LARGE1: variants seen among roughly 807,000 people sequenced by gnomAD.
LARGE1 encodes LARGE xylosyl- and glucuronyltransferase 1, also known as xylosyl- and glucuronyltransferase LARGE1.
In LARGE1, 43 loss-of-function variants were observed where a neutral mutation model predicts 87.6. That is an observed-to-expected ratio of 0.49 (90% CI 0.38 to 0.63). LARGE1 has a LOEUF of 0.63. LARGE1 is among the 30% of genes least tolerant of loss of function. The pLI, the probability that LARGE1 is intolerant of heterozygous loss-of-function variation, is 0.00. For synonymous variants in LARGE1, 434 were observed against 394.6 expected (o/e 1.10, Z -1.18); for missense variants, 802 against 1,000.2 (o/e 0.80, Z 2.67).
intron 2 of LARGE1, among the ~76,000 whole-genome samples, chr22:33,668,861 G>A (rs987250681): frequency 2.0e-5 from 3 of 152,202 alleles, no homozygotes; most frequent in African/African-American, 7.2e-5. Context: ...AACTTTGGAA[G>A]TAGTGTAAGT....
chr22:33,911,199 T>C (rs891416844), intron 1 of LARGE1, among the ~76,000 whole-genome samples: 1 of 152,188 alleles, frequency 6.6e-6, no homozygotes, highest in Non-Finnish European at 1.5e-5. Context: ...CCAGGGAGCC[T>C]AGGTTCTGGT....
chr22:33,465,878 A>G (rs2068587251), intron 6 of LARGE1, among the ~76,000 whole-genome samples: 1 of 152,076 alleles, frequency 6.6e-6, no homozygotes, highest in African/African-American at 2.4e-5. Flanking sequence ...ACTCCAAAAT[A>G]TATCTTGGAT....
At chr22:33,212,668 TG>T (rs1307166205) in intron 11 of LARGE1, among the ~76,000 whole-genome samples, 1 of 152,198 alleles carries the variant, frequency 6.6e-6, no homozygotes, top group East Asian at 1.9e-4. Context: ...CTGATGAATC[TG>T]GGCAAAGTAA....
intron 1 of LARGE1, among the ~76,000 whole-genome samples, chr22:33,791,276 C>CA (rs1264516060): frequency 6.6e-6 from 1 of 151,516 alleles, no homozygotes; most frequent in Non-Finnish European, 1.5e-5. Context: ...TATGGCTGGC[C>CA]AAAAAAATTA....
the LARGE1 span, chr22:33,105,316 A>C: frequency 6.6e-6 from 1 of 152,010 alleles, no homozygotes; most frequent in Admixed American, 6.6e-5. Flanking sequence ...TGTTCTTTCT[A>C]CTATCCCACA....
At chr22:33,520,618 G>T (rs1394146849) in intron 6 of LARGE1, among the ~76,000 whole-genome samples, 1 of 152,212 alleles carries the variant, frequency 6.6e-6, no homozygotes, top group African/African-American at 2.4e-5. Flanking sequence ...GCTGCTTTCT[G>T]TTCACATCTG....
intron 6 of LARGE1, among the ~76,000 whole-genome samples, chr22:33,548,532 T>C (rs2077433210): frequency 6.6e-6 from 1 of 152,136 alleles, no homozygotes; most frequent in Non-Finnish European, 1.5e-5. Flanking sequence ...TCCCCTGCCT[T>C]AGCCTCCCGA....
chr22:33,341,587 T>C (rs775420156), intron 9 of LARGE1, among the ~76,000 whole-genome samples: 31 of 149,050 alleles, frequency 2.1e-4, no homozygotes, highest in Non-Finnish European at 4.4e-4. Context: ...TTCTCTCTCA[T>C]GGCACAGTGA....
At chr22:33,712,373 G>A (rs558321476) in intron 2 of LARGE1, among the ~76,000 whole-genome samples, 4 of 152,114 alleles carry the variant, frequency 2.6e-5, no homozygotes, top group African/African-American at 4.8e-5. Context: ...AGGCAGGCAC[G>A]AGAAGACGGA....
rs75637253 is a variant in LARGE1 at position 33,888,486 on chromosome 22, A to G, written c.-83+31509T>C. On this transcript the variant is annotated intron_variant, in intron 1 of 14. Coordinates refer to ENST00000397394, the MANE Select transcript of LARGE1 (RefSeq NM_133642.5). The stretch of plus-strand genomic sequence containing the variant: ...TGTACTAATAAAGCTCATGATAAAG[A>G]ATATTTGTATCACACACGGGGGAGG... Among the ~76,000 whole-genome samples the G allele has an allele frequency of 4.2e-3, 647 of 152,262 alleles. 1 individual carries two copies. The highest frequency in any genetic ancestry group is 6.7e-3 in the Non-Finnish European group (453 of 68,022).
intron 2 of LARGE1, among the ~76,000 whole-genome samples, chr22:33,679,809 T>C (rs2081698164): frequency 6.6e-6 from 1 of 152,106 alleles, no homozygotes; most frequent in African/African-American, 2.4e-5. Flanking sequence ...GCCACTGCAC[T>C]CCAGCCTGGG....
chr22:33,080,992 T>TCCATCCAC, the LARGE1 span, among the ~76,000 whole-genome samples: 1 of 150,346 alleles, frequency 6.7e-6, no homozygotes, highest in African/African-American at 2.5e-5. Context: ...CATCCATCCA[T>TCCATCCAC]CCACTCTTGT....
intron 6 of LARGE1, among the ~76,000 whole-genome samples, chr22:33,551,966 C>A (rs1397660584): frequency 2.2e-5 from 3 of 138,244 alleles, no homozygotes; most frequent in Admixed American, 7.9e-5. Context: ...TGCACTCCAG[C>A]CTGGGCGACA....
At chr22:33,183,891 C>T (rs1448756971) in intron 11 of LARGE1, among the ~76,000 whole-genome samples, 3 of 151,860 alleles carry the variant, frequency 2.0e-5, no homozygotes, top group Admixed American at 6.6e-5. Flanking sequence ...AGGGTACAAA[C>T]TTCCAGTTAT....
intron 2 of LARGE1, among the ~76,000 whole-genome samples, chr22:33,696,507 C>T (rs1029618392): frequency 7.9e-5 from 12 of 152,038 alleles, no homozygotes; most frequent in Non-Finnish European, 1.6e-4. Flanking sequence ...AATCAATCCG[C>T]CCGCCTTGGC....
chr22:33,084,826 GAA>G, the LARGE1 span, among the ~76,000 whole-genome samples: 1 of 151,948 alleles, frequency 6.6e-6, no homozygotes, highest in Non-Finnish European at 1.5e-5. Flanking sequence ...AATCAACATG[GAA>G]AATTATCAAC....
chr22:33,730,195 A>C (rs1287706715), intron 2 of LARGE1, among the ~76,000 whole-genome samples: 1 of 152,092 alleles, frequency 6.6e-6, no homozygotes, highest in African/African-American at 2.4e-5. Context: ...CTCTATGATG[A>C]TCTGCTTCTA....
chr22:33,783,955 G>A (rs1161322107), intron 1 of LARGE1, among the ~76,000 whole-genome samples: 1 of 152,120 alleles, frequency 6.6e-6, no homozygotes, highest in African/African-American at 2.4e-5. Context: ...TTCCAAGTTG[G>A]TAAGGCCAAT....
chr22:33,890,386 A>T (rs1048454388), intron 1 of LARGE1, among the ~76,000 whole-genome samples: 25 of 149,760 alleles, frequency 1.7e-4, no homozygotes, highest in African/African-American at 5.6e-4. Flanking sequence ...GTTGGTGCTT[A>T]AAAAAAAAAT....
Sources: gnomAD v4.1 joint callset for allele counts (sites outside exome capture counted in the v4.1 genomes callset) on GRCh38, gnomAD v4.1.1 for gene constraint, MANE v1.5 for transcripts, NCBI Gene and HGNC (gene_info 2026-07-23, HGNC 2026-07-21) for gene names.